Variants in PRDX5 observed in about 807,000 individuals in gnomAD.
The protein encoded by PRDX5 is peroxiredoxin-5, mitochondrial.
A neutral mutation model predicts 23.8 loss-of-function variants in PRDX5; 21 were observed. The ratio of observed to expected loss-of-function variants is 0.88; its 90% CI spans 0.63 to 1.27. The LOEUF (loss-of-function observed/expected upper bound fraction) is 1.27, where lower values mean the gene tolerates loss of function less well. Ranked by LOEUF, PRDX5 falls within the 50% of genes most tolerant of loss-of-function variation. The pLI, the probability that PRDX5 is intolerant of heterozygous loss-of-function variation, is 0.00. For missense variants in PRDX5, 261 were observed against 270.6 expected (o/e 0.96, Z 0.25); for synonymous variants, 111 against 113.3 (o/e 0.98, Z 0.13).
chr11:64,321,272 G>GGGGGAGAGTCCTCTGT (rs1457939104), intron 5 of PRDX5, among the ~76,000 whole-genome samples: 24 of 150,474 alleles, frequency 1.6e-4, no homozygotes, highest in Middle Eastern at 3.4e-3. Flanking sequence ...AGTCCTGTGT[G>GGGGGAGAGTCCTCTGT]GGGGAGAGTC....
At chr11:64,321,282 C>T (rs1174293547) in intron 5 of PRDX5, among the ~76,000 whole-genome samples, 1 of 139,378 alleles carries the variant, frequency 7.2e-6, no homozygotes, top group Non-Finnish European at 1.5e-5. Flanking sequence ...GGGGGAGAGT[C>T]CTCTGTGGGG....
rs761438139 is a variant in PRDX5 at position 64,320,993 on chromosome 11, C to G, written c.478-14C>G. 1.2e-6 allele frequency: 2 copies of G among 1,614,136 alleles called. No individual in the cohort carries two copies. The highest frequency in any genetic ancestry group is 2.2e-5 in the East Asian group (1 of 44,888). On this transcript the variant is annotated splice_polypyrimidine_tract_variant and intron_variant, in intron 4 of 5. Transcript: ENST00000265462. ...CTTCAAGGATTTCTGACACTTTTCT[C>G]TGTCTCTTCTTAGGAGACAGACTTA...
chr11:64,319,151 TG>T (rs1355727213), intron 1 of PRDX5, among the ~76,000 whole-genome samples: 1 of 152,064 alleles, frequency 6.6e-6, no homozygotes, highest in Non-Finnish European at 1.5e-5. Flanking sequence ...CCCTCACCTC[TG>T]ACTCTCTCTC....
intron 2 of PRDX5, 42 bp downstream of exon 2, chr11:64,319,910 T>C: frequency 1.9e-6 from 3 of 1,607,382 alleles, no homozygotes; most frequent in Non-Finnish European, 2.5e-6. Context: ...CTGGGATCTT[T>C]TGTGTTGCTC....
Position 64,321,666 on chromosome 11 carries a change from C to T in PRDX5, c.620C>T (p.Ala207Val), listed in dbSNP as rs779127280. Residue 207 changes from alanine (A) to valine (V), a missense_variant, in exon 6 of 6, where the codon GCA (alanine) becomes GTA (valine). Coordinates refer to ENST00000265462, the MANE Select transcript of PRDX5 (RefSeq NM_012094.5). The part of the protein sequence containing the change: ...PDGTGLTCSL[A>V]PNIISQL ...GGCACAGGCCTCACCTGCAGCCTGGCACCCAATATCATCTCACAGCTCTGA... is the reference window on the plus strand; with the variant it reads ...GGCACAGGCCTCACCTGCAGCCTGGTACCCAATATCATCTCACAGCTCTGA... 1 of 1,595,634 alleles carries T rather than the reference C, an allele frequency of 6.3e-7. No individual in the cohort carries two copies. The highest frequency in any genetic ancestry group is 1.8e-5 in the Admixed American group (1 of 56,796).
chr11:64,321,414 T>A (rs2035497002), intron 5 of PRDX5, among the ~76,000 whole-genome samples, 172 bp from the exon 6 acceptor site: 1 of 140,792 alleles, frequency 7.1e-6, no homozygotes, highest in Non-Finnish European at 1.5e-5. Context: ...GTGGGGAGAG[T>A]CCTCTGTGTG....
At position 64,319,842 on chromosome 11, in the gene PRDX5, G is replaced by C. The variant is rs1158129492; in HGVS notation, c.280G>C (p.Gly94Arg). 11 of 1,614,150 alleles carry C rather than the reference G, an allele frequency of 6.8e-6. No homozygotes were observed. Among genetic ancestry groups the C allele is most frequent in the Non-Finnish European group, 9.3e-6 (11 of 1,179,994 alleles). The part of the protein sequence containing the change: ...GKKGVLFGVP[G>R]AFTPGCSKTH... The stretch of plus-strand genomic sequence containing the variant: ...GAAGGGTGTGCTGTTTGGAGTTCCT[G>C]GGGCCTTCACCCCTGGATGTTCCAA... The change falls in exon 2 of 6, where the codon GGG becomes CGG. Residue 94 changes from glycine (G) to arginine (R), a missense_variant. Transcript: ENST00000265462.
chr11:64,319,659 G>C (rs2035435732), intron 1 of PRDX5, 75 bp from the exon 2 acceptor site: 1 of 1,518,034 alleles, frequency 6.6e-7, no homozygotes, highest in African/African-American at 1.4e-5. Flanking sequence ...CAGCTGCCAG[G>C]CTCTCTGTTC....
rs748183671 is a variant in PRDX5, at chr11:64,320,871, C to T, written c.445C>T (p.Leu149Phe). 1 of 1,614,240 alleles carries T rather than the reference C, an allele frequency of 6.2e-7. No homozygotes were observed. Among genetic ancestry groups the T allele is most frequent in the South Asian group, 1.1e-5 (1 of 91,088 alleles). The change falls in exon 4 of 6, where the codon CTC (leucine) becomes TTC (phenylalanine). Residue 149 changes from leucine to phenylalanine, a missense_variant. Coordinates refer to ENST00000265462, the MANE Select transcript of PRDX5 (RefSeq NM_012094.5). ...RAHKAEGKVR[L>F]LADPTGAFGK... ...ACCTTTACTTTCTCTGCAGGTTCGG[C>T]TCCTGGCTGATCCCACTGGGGCCTT...
In PRDX5 at chr11:64,318,223, T is replaced by C. The variant is rs2035365464; in HGVS notation, c.8T>C (p.Leu3Pro). The change falls in exon 1 of 6, where the codon CTA becomes CCA. Residue 3 changes from leucine to proline, a missense_variant. Coordinates refer to ENST00000265462, the MANE Select transcript of PRDX5 (RefSeq NM_012094.5). MG[L>P]AGVCALRRSA... Reference sequence around the variant, plus strand: ...AGTGGCCGTGGGGCGGGTATGGGACTAGCTGGCGTGTGCGCCCTGAGACGC... The same window carrying C: ...AGTGGCCGTGGGGCGGGTATGGGACCAGCTGGCGTGTGCGCCCTGAGACGC... The C allele has an allele frequency of 6.2e-7, 1 of 1,611,506 alleles. No homozygotes were observed. Among genetic ancestry groups the C allele is most frequent in the Admixed American group, 1.7e-5 (1 of 59,986 alleles).
chr11:64,318,981 C>T (rs1171738622), intron 1 of PRDX5, among the ~76,000 whole-genome samples: 1 of 151,708 alleles, frequency 6.6e-6, no homozygotes. Flanking sequence ...CACTCCATGA[C>T]CTCCCCTCCC....
At chr11:64,318,527 C>T (rs1022471027) in intron 1 of PRDX5, 141 bp downstream of exon 1, 4 of 1,102,812 alleles carry the variant, frequency 3.6e-6, no homozygotes, top group African/African-American at 3.2e-5. Context: ...TCAGAAGGCC[C>T]TCGTGGCTGC....
chr11:64,320,598 A>G (rs2035468132), intron 2 of PRDX5, 63 bp from the exon 3 acceptor site: 1 of 1,535,826 alleles, frequency 6.5e-7, no homozygotes, highest in East Asian at 2.3e-5. Context: ...GCCTGGAGAT[A>G]AAGGGTGGGC....
In PRDX5 at chr11:64,318,465, C is replaced by G. The variant is rs2035383695; in HGVS notation, c.171+79C>G. The G allele has an allele frequency of 8.0e-6, 12 of 1,508,188 alleles. No homozygotes were observed. The South Asian group carries it at 1.4e-4, about 18-fold the overall frequency. 93.4% of individuals were successfully genotyped at this position (1,508,188 alleles called of 1,614,324 possible). On this transcript the variant is annotated intron_variant, in intron 1 of 5. Transcript: ENST00000265462. ...CCGTCCCGCTAGTCTGAGAGTATCG[C>G]TTTATTTCCTGCCTGCCAGACCCCT...
At chr11:64,318,931 C>T (rs1257856635) in intron 1 of PRDX5, among the ~76,000 whole-genome samples, 1 of 146,464 alleles carries the variant, frequency 6.8e-6, no homozygotes, top group Non-Finnish European at 1.5e-5. Context: ...TCTTCTGAAA[C>T]AGCTGTCCCT....
chr11:64,319,634 C>T (rs45504697), intron 1 of PRDX5, 100 bp from the exon 2 acceptor site: 12 of 1,440,292 alleles, frequency 8.3e-6, no homozygotes, highest in Middle Eastern at 2.3e-4. Context: ...GTTTCAGCCC[C>T]GGTTCCTGCA....
Position 64,320,730 on chromosome 11 carries a change from C to CT in PRDX5, c.377dup (p.Ser127GlufsTer3), listed in dbSNP as rs777918969. ...CAAGGGAGTCCAGGTGGTGGCCTGT[C>CT]TGAGTGTTAATGATGCCTTTGTGAC... On this transcript the variant is annotated frameshift_variant, in exon 3 of 6. Coordinates refer to ENST00000265462, the MANE Select transcript of PRDX5 (RefSeq NM_012094.5). LOFTEE classifies it high-confidence loss of function. 3 of 1,613,878 alleles carry CT rather than the reference C, an allele frequency of 1.9e-6. No individual in the cohort carries two copies. The highest frequency in any genetic ancestry group is 2.5e-6 in the Non-Finnish European group (3 of 1,179,902).
At chr11:64,318,415 T>TC (rs1163034370) in intron 1 of PRDX5, 29 bp downstream of exon 1, 1 of 1,584,214 alleles carries the variant, frequency 6.3e-7, no homozygotes, top group Non-Finnish European at 8.6e-7. Flanking sequence ...GGGCCTGACA[T>TC]CCCCCACTAC....
Position 64,318,319 on chromosome 11 carries a change from A to C in PRDX5, c.104A>C (p.Glu35Ala). Residue 35 changes from glutamate (E) to alanine (A), a missense_variant, in exon 1 of 6, where the codon GAA becomes GCA. Physicochemically the swap from Glu to Ala is moderately radical, Grantham distance 107. Transcript: ENST00000265462. The part of the protein sequence containing the change: ...SAAAAARRYS[E>A]GEWASGGVRS... Reference sequence around the variant, plus strand: ...GCAGCGGCAGCAAGACGGTACAGTGAAGGAGAGTGGGCGTCTGGCGGGGTC... The same window carrying C: ...GCAGCGGCAGCAAGACGGTACAGTGCAGGAGAGTGGGCGTCTGGCGGGGTC... The C allele has an allele frequency of 6.2e-7, 1 of 1,612,586 alleles. No homozygotes were observed. The highest frequency in any genetic ancestry group is 8.5e-7 in the Non-Finnish European group (1 of 1,179,768).
Sources: allele counts gnomAD v4.1 joint callset (sites outside exome capture counted in the v4.1 genomes callset), GRCh38; gene constraint gnomAD v4.1.1; transcripts MANE v1.5; gene names NCBI Gene and HGNC (gene_info 2026-07-23, HGNC 2026-07-21).